The following SDK1 variants were observed in gnomAD, a reference collection of about 807,000 sequenced individuals.
SDK1 encodes protein sidekick-1.
Under a neutral mutation model 245.5 loss-of-function variants are expected in SDK1, and 157 were observed. The ratio of observed to expected loss-of-function variants is 0.64; its 90% CI spans 0.56 to 0.73. SDK1 has a LOEUF of 0.73. SDK1 is among the 30% of genes least tolerant of loss of function. SDK1 has a pLI of 0.00. For missense variants in SDK1, 3,583 were observed against 3,002.3 expected, an observed-to-expected ratio of 1.19 and a Z score of -4.52; for synonymous variants, 1,647 against 1,278.5, an observed-to-expected ratio of 1.29 and a Z score of -6.15.
At chr7:3,410,578 CTTTTTTTTTTTT>C (rs776277920) in intron 1 of SDK1, among the ~76,000 whole-genome samples, 207 of 82,080 alleles carry the variant, frequency 2.5e-3, no homozygotes, top group Non-Finnish European at 3.6e-3. Context: ...GAAATGATAT[CTTTTTTTTTTTT>C]TTTTTTTTTT....
At chr7:4,157,479 A>C (rs546675348) in intron 30 of SDK1, among the ~76,000 whole-genome samples, 21,396 of 101,628 alleles carry the variant, frequency 0.21, 2,111 homozygotes, top group African/African-American at 0.38. Context: ...GGAAGGAGGG[A>C]AGGAAGGGAG....
chr7:3,779,485 A>C (rs1780661491), intron 4 of SDK1, among the ~76,000 whole-genome samples: 1 of 152,040 alleles, frequency 6.6e-6, no homozygotes, highest in East Asian at 1.9e-4. Context: ...GGACAAATTT[A>C]ACCAAATCTG....
chr7:3,906,097 T>G (rs923211652), intron 5 of SDK1, among the ~76,000 whole-genome samples: 1 of 152,184 alleles, frequency 6.6e-6, no homozygotes, highest in African/African-American at 2.4e-5. Context: ...CTTTCCTCAA[T>G]CTCTTTTTCA....
intron 1 of SDK1, among the ~76,000 whole-genome samples, chr7:3,335,457 C>G (rs888722886): frequency 6.7e-6 from 1 of 150,042 alleles, no homozygotes; most frequent in Non-Finnish European, 1.5e-5. Context: ...AGACTATAAG[C>G]TTCATAGGTA....
intron 4 of SDK1, among the ~76,000 whole-genome samples, chr7:3,762,883 C>T (rs1780146678): frequency 6.6e-6 from 1 of 152,142 alleles, no homozygotes; most frequent in Non-Finnish European, 1.5e-5. Context: ...TTTGAGGTTG[C>T]CTACAGGTTT....
intron 5 of SDK1, among the ~76,000 whole-genome samples, chr7:3,912,566 G>A (rs1779211281): frequency 6.6e-6 from 1 of 152,234 alleles, no homozygotes; most frequent in South Asian, 2.1e-4. Context: ...TCAGTGGACT[G>A]AAGATAGGGA....
At chr7:3,867,383 A>G (rs1313205239) in intron 5 of SDK1, among the ~76,000 whole-genome samples, 1 of 152,228 alleles carries the variant, frequency 6.6e-6, no homozygotes, top group African/African-American at 2.4e-5. Flanking sequence ...GCCATTTTTA[A>G]AAACCTAATG....
Position 3,848,109 on chromosome 7 carries a change from C to T in SDK1, c.847+26526C>T, listed in dbSNP as rs377181871. On this transcript the variant is annotated intron_variant, in intron 5 of 44. Coordinates refer to ENST00000404826, the MANE Select transcript of SDK1 (RefSeq NM_152744.4). ...GACCATAAACTTAAAAAACAAATTC[C>T]ATCTCGAGCTGTTATGATGATAGTT... is the stretch of plus-strand genomic sequence containing the variant. Among the ~76,000 whole-genome samples, 7 of 152,322 alleles carry T rather than the reference C, an allele frequency of 4.6e-5. No individual in the cohort carries two copies. In the East Asian group the frequency reaches 1.2e-3, roughly 25 times the overall value.
At chr7:3,732,148 A>G (rs1044461908) in intron 4 of SDK1, among the ~76,000 whole-genome samples, 5 of 152,238 alleles carry the variant, frequency 3.3e-5, no homozygotes, top group African/African-American at 1.2e-4. Flanking sequence ...CAGTGACTAC[A>G]CAGAGTTCCA....
chr7:3,779,886 T>G (rs1429085205), intron 4 of SDK1, among the ~76,000 whole-genome samples: 2 of 145,862 alleles, frequency 1.4e-5, no homozygotes, highest in Non-Finnish European at 3.0e-5. Flanking sequence ...GAGCCGAGAT[T>G]GCACCACTGC....
chr7:3,632,409 A>G (rs991765186), intron 2 of SDK1, among the ~76,000 whole-genome samples: 2 of 152,212 alleles, frequency 1.3e-5, no homozygotes, highest in Admixed American at 6.5e-5. Context: ...TTTCATAACT[A>G]TTAATGAAGA....
chr7:3,415,193 T>C (rs979399508), intron 1 of SDK1, among the ~76,000 whole-genome samples: 1 of 152,196 alleles, frequency 6.6e-6, no homozygotes. Context: ...CCTGAAGTAC[T>C]GAAGGATTTG....
intron 2 of SDK1, among the ~76,000 whole-genome samples, chr7:3,633,095 A>G (rs893059620): frequency 6.6e-6 from 1 of 152,134 alleles, no homozygotes; most frequent in East Asian, 1.9e-4. Flanking sequence ...CATTTTAAGG[A>G]TAAGAATAGG....
rs537057350 is a variant in SDK1 at position 3,814,996 on chromosome 7, G to A, written c.714-6454G>A. The stretch of plus-strand genomic sequence containing the variant: ...GAGACTTTGCTGAAGTTGCTTATCA[G>A]CTTAAGGAGATTTTGGGCTGAGACA... On this transcript the variant is annotated intron_variant, in intron 4 of 44. Coordinates refer to ENST00000404826, the MANE Select transcript of SDK1 (RefSeq NM_152744.4). Among the ~76,000 whole-genome samples the A allele has an allele frequency of 3.3e-3, 493 of 150,198 alleles. 4 individuals carry two copies. Among genetic ancestry groups the A allele is most frequent in the African/African-American group, 0.011 (453 of 40,686 alleles).
At chr7:3,831,228 A>G (rs1442828447) in intron 5 of SDK1, among the ~76,000 whole-genome samples, 3 of 152,198 alleles carry the variant, frequency 2.0e-5, no homozygotes, top group Non-Finnish European at 4.4e-5. Flanking sequence ...CTAGTTGTAA[A>G]TGTACTTTTC....
intron 1 of SDK1, among the ~76,000 whole-genome samples, chr7:3,374,155 T>A (rs1781295693): frequency 6.6e-6 from 1 of 152,152 alleles, no homozygotes; most frequent in Non-Finnish European, 1.5e-5. Context: ...GTGTTTTGCA[T>A]AGTTGAAGGA....
chr7:3,703,246 T>C (rs1278421304), intron 4 of SDK1, among the ~76,000 whole-genome samples: 1 of 152,154 alleles, frequency 6.6e-6, no homozygotes, highest in Non-Finnish European at 1.5e-5. Flanking sequence ...ATTTTACAAA[T>C]TATGGTGCAT....
chr7:3,890,538 C>G (rs935075997), intron 5 of SDK1, among the ~76,000 whole-genome samples: 1 of 151,992 alleles, frequency 6.6e-6, no homozygotes, highest in Non-Finnish European at 1.5e-5. Flanking sequence ...CACGTTGAAC[C>G]AAGCTGCTGT....
intron 13 of SDK1, among the ~76,000 whole-genome samples, chr7:3,984,418 C>A (rs148478100): frequency 6.6e-6 from 1 of 152,146 alleles, no homozygotes; most frequent in Non-Finnish European, 1.5e-5. Context: ...TGCAAGAGGC[C>A]GCATTTTCAC....
Sources: gnomAD v4.1 joint callset for allele counts (sites outside exome capture counted in the v4.1 genomes callset) on GRCh38, gnomAD v4.1.1 for gene constraint, MANE v1.5 for transcripts, NCBI Gene and HGNC (gene_info 2026-07-23, HGNC 2026-07-21) for gene names.